The following CNTNAP2 variants were observed in gnomAD, a reference collection of about 807,000 sequenced individuals.
The protein encoded by CNTNAP2 is contactin-associated protein-like 2.
Under a neutral mutation model 155.2 loss-of-function variants are expected in CNTNAP2, and 98 were observed. The ratio of observed to expected loss-of-function variants is 0.63; its 90% confidence interval spans 0.54 to 0.75. CNTNAP2 has a LOEUF of 0.75. Among genes scored for constraint, CNTNAP2 ranks in the 30% least tolerant of loss-of-function variants. The pLI, the probability that CNTNAP2 is intolerant of heterozygous loss-of-function variation, is 0.00. For synonymous variants in CNTNAP2, 651 were observed against 631.2 expected (o/e 1.03, Z -0.47); for missense variants, 1,727 against 1,688.1 (o/e 1.02, Z -0.40).
chr7:148,175,059 C>A (rs965834937), intron 18 of CNTNAP2, among the ~76,000 whole-genome samples: 3 of 152,202 alleles, frequency 2.0e-5, no homozygotes, highest in African/African-American at 7.2e-5. Flanking sequence ...CCTGTAGCTT[C>A]ATCCATGACC....
At chr7:146,521,507 CA>C (rs1159594748) in intron 1 of CNTNAP2, among the ~76,000 whole-genome samples, 3 of 151,842 alleles carry the variant, frequency 2.0e-5, no homozygotes, top group Non-Finnish European at 4.4e-5. Flanking sequence ...AGGTGAACTG[CA>C]TTTACAATTG....
At chr7:146,504,371 T>G (rs1441173542) in intron 1 of CNTNAP2, among the ~76,000 whole-genome samples, 1 of 152,200 alleles carries the variant, frequency 6.6e-6, no homozygotes, top group African/African-American at 2.4e-5. Context: ...CTGCCTTGAT[T>G]TCCTGGGAAA....
intron 15 of CNTNAP2, among the ~76,000 whole-genome samples, chr7:148,065,867 T>C (rs562024722): frequency 1.3e-4 from 20 of 152,322 alleles, no homozygotes; most frequent in African/African-American, 4.6e-4. Context: ...ACCGTGTTAT[T>C]GTATTGTATG....
At chr7:147,355,036 C>A (rs1440136151) in intron 9 of CNTNAP2, among the ~76,000 whole-genome samples, 2 of 151,974 alleles carry the variant, frequency 1.3e-5, no homozygotes, top group African/African-American at 4.8e-5. Context: ...AGTTTTTGGG[C>A]TGAGACGATG....
intron 12 of CNTNAP2, among the ~76,000 whole-genome samples, chr7:147,590,953 T>C (rs1238595600): frequency 6.6e-6 from 1 of 152,214 alleles, no homozygotes; most frequent in Non-Finnish European, 1.5e-5. Flanking sequence ...ATGGTTCTAA[T>C]AGCATGCTGA....
rs566559905 is a variant in CNTNAP2, at chr7:146,274,363, G to A, written c.97+157390G>A. Among the ~76,000 whole-genome samples the A allele has an allele frequency of 1.4e-4, 22 of 152,328 alleles. No individual in the cohort carries two copies. The South Asian group carries it at 4.6e-3, about 32-fold the overall frequency. ...ACTCGGAAGCTGAGTTTTGCGTTCT[G>A]AGTTGAATATCAGGAGAGAGTTTTC... On this transcript the variant is annotated intron_variant, in intron 1 of 23. Transcript: ENST00000361727.
chr7:146,627,390 A>T (rs1799438078), intron 1 of CNTNAP2, among the ~76,000 whole-genome samples: 1 of 152,208 alleles, frequency 6.6e-6, no homozygotes, highest in Non-Finnish European at 1.5e-5. Flanking sequence ...CTTCATGTAA[A>T]ATGAAAGCTG....
chr7:146,247,864 A>G (rs1799687773), intron 1 of CNTNAP2, among the ~76,000 whole-genome samples: 1 of 152,134 alleles, frequency 6.6e-6, no homozygotes, highest in South Asian at 2.1e-4. Context: ...TAGCCCAGAG[A>G]AAAGAGTAGA....
intron 1 of CNTNAP2, among the ~76,000 whole-genome samples, chr7:146,581,896 A>C (rs6464768): frequency 6.6e-6 from 1 of 151,910 alleles, no homozygotes; most frequent in African/African-American, 2.4e-5. Flanking sequence ...GCCCAAAATG[A>C]TGCAGTGAGA....
chr7:147,933,520 G>GATAGATAT (rs1800546914), intron 14 of CNTNAP2, among the ~76,000 whole-genome samples: 1 of 151,872 alleles, frequency 6.6e-6, no homozygotes, highest in Non-Finnish European at 1.5e-5. Context: ...TAGATAGATA[G>GATAGATAT]ATAGATAGAT....
intron 21 of CNTNAP2, among the ~76,000 whole-genome samples, chr7:148,362,527 C>G (rs939037502): frequency 2.0e-5 from 3 of 152,118 alleles, no homozygotes; most frequent in African/African-American, 7.2e-5. Flanking sequence ...CCTTGTGGCG[C>G]TGAGGTGCTG....
At chr7:147,226,184 G>T (rs766880841) in intron 8 of CNTNAP2, among the ~76,000 whole-genome samples, 9 of 152,082 alleles carry the variant, frequency 5.9e-5, no homozygotes, top group Non-Finnish European at 1.0e-4. Flanking sequence ...TCCCTTCTTT[G>T]CAATGTTCTT....
chr7:147,213,284 A>C (rs904654549), intron 8 of CNTNAP2, among the ~76,000 whole-genome samples: 6 of 152,156 alleles, frequency 3.9e-5, no homozygotes, highest in African/African-American at 9.7e-5. Flanking sequence ...CCAAACCCTC[A>C]ATGGATTAAA....
chr7:147,952,062 C>A (rs1466151714), intron 14 of CNTNAP2, among the ~76,000 whole-genome samples: 1 of 151,822 alleles, frequency 6.6e-6, no homozygotes, highest in East Asian at 1.9e-4. Context: ...ATACCTCAAA[C>A]TGAATGTTAA....
At chr7:146,829,257 TTTC>T (rs1803464604) in intron 2 of CNTNAP2, among the ~76,000 whole-genome samples, 1 of 152,076 alleles carries the variant, frequency 6.6e-6, no homozygotes, top group Non-Finnish European at 1.5e-5. Context: ...CTAGACAGAT[TTTC>T]TTTTGTTTGC....
intron 1 of CNTNAP2, among the ~76,000 whole-genome samples, chr7:146,614,121 G>A (rs1799185403): frequency 6.6e-6 from 1 of 152,004 alleles, no homozygotes; most frequent in African/African-American, 2.4e-5. Flanking sequence ...TAATTTTTAA[G>A]CAATGCATTT....
At chr7:147,677,859 T>G (rs1394545354) in intron 13 of CNTNAP2, among the ~76,000 whole-genome samples, 2 of 151,740 alleles carry the variant, frequency 1.3e-5, no homozygotes, top group Non-Finnish European at 3.0e-5. Context: ...AGTTCCTATC[T>G]TGTCTCATTG....
intron 5 of CNTNAP2, among the ~76,000 whole-genome samples, chr7:147,116,712 C>T (rs1347581415): frequency 6.6e-6 from 1 of 152,024 alleles, no homozygotes; most frequent in Non-Finnish European, 1.5e-5. Context: ...CCTCCCCTCC[C>T]TTGGTCACTC....
chr7:147,287,518 C>G (rs1166464274), intron 8 of CNTNAP2, among the ~76,000 whole-genome samples: 5 of 152,040 alleles, frequency 3.3e-5, no homozygotes, highest in Non-Finnish European at 7.4e-5. Flanking sequence ...TCCATTTCCT[C>G]AACTTTGAAA....
Sources: gnomAD v4.1 joint callset for allele counts (sites outside exome capture counted in the v4.1 genomes callset) on GRCh38, gnomAD v4.1.1 for gene constraint, MANE v1.5 for transcripts, NCBI Gene and HGNC (gene_info 2026-07-23, HGNC 2026-07-21) for gene names.